Variants in KIAA1217 observed in about 807,000 individuals in gnomAD.
KIAA1217 encodes sickle tail protein homolog.
KIAA1217 carries 88 observed loss-of-function variants against 163.9 expected under a neutral mutation model. The observed-to-expected ratio is 0.54, with a 90% CI of 0.45 to 0.64. The LOEUF (loss-of-function observed/expected upper bound fraction) is 0.64. KIAA1217 is among the 30% of genes least tolerant of loss of function. The pLI, the probability that KIAA1217 is intolerant of heterozygous loss-of-function variation, is 0.00. For synonymous variants in KIAA1217, 903 were observed against 923.1 expected, an observed-to-expected ratio of 0.98 and a Z score of 0.39; for missense variants, 2,372 against 2,475.0, an observed-to-expected ratio of 0.96 and a Z score of 0.88.
chr10:23,726,937 A>G (rs1404370750), intron 1 of KIAA1217, among the ~76,000 whole-genome samples: 1 of 147,068 alleles, frequency 6.8e-6, no homozygotes, highest in Non-Finnish European at 1.5e-5. Flanking sequence ...TAATTTTAGG[A>G]TATTTAATTC....
At chr10:24,279,517 G>A (rs1448892581) in intron 2 of KIAA1217, among the ~76,000 whole-genome samples, 1 of 152,102 alleles carries the variant, frequency 6.6e-6, no homozygotes, top group Non-Finnish European at 1.5e-5. Context: ...TGAAGTGTTT[G>A]TGAAAGGGAC....
At chr10:24,049,403 T>A (rs544678773) in intron 2 of KIAA1217, among the ~76,000 whole-genome samples, 1 of 152,236 alleles carries the variant, frequency 6.6e-6, no homozygotes, top group East Asian at 1.9e-4. Context: ...TAACTCTATT[T>A]ATTTATTTAT....
chr10:23,937,517 A>C (rs1202757355), intron 1 of KIAA1217, among the ~76,000 whole-genome samples: 2 of 152,182 alleles, frequency 1.3e-5, no homozygotes, highest in Admixed American at 6.5e-5. Flanking sequence ...TCTGTTCACC[A>C]GAATCTGCAC....
chr10:23,981,249 G>A (rs1163629375), intron 1 of KIAA1217, among the ~76,000 whole-genome samples: 2 of 152,146 alleles, frequency 1.3e-5, no homozygotes, highest in Admixed American at 1.3e-4. Context: ...GTATTCATTT[G>A]AAATTATAAT....
At chr10:24,117,856 C>T (rs898970410) in intron 2 of KIAA1217, among the ~76,000 whole-genome samples, 9 of 151,918 alleles carry the variant, frequency 5.9e-5, no homozygotes, top group East Asian at 1.9e-4. Context: ...TACTTTCATA[C>T]GGAAAAGGGG....
At chr10:24,426,429 C>T (rs1289188230) in intron 3 of KIAA1217, among the ~76,000 whole-genome samples, 2 of 152,054 alleles carry the variant, frequency 1.3e-5, no homozygotes, top group Non-Finnish European at 2.9e-5. Flanking sequence ...CGAGAACAGC[C>T]TGGCCAACAT....
chr10:24,462,321 C>A (rs181849263), intron 5 of KIAA1217, among the ~76,000 whole-genome samples: 2 of 152,220 alleles, frequency 1.3e-5, no homozygotes, highest in East Asian at 3.9e-4. Context: ...GATTCTTTTC[C>A]TTTGCTGTGA....
chr10:24,146,986 G>A (rs2064346248), intron 2 of KIAA1217, among the ~76,000 whole-genome samples: 1 of 131,362 alleles, frequency 7.6e-6, no homozygotes, highest in Admixed American at 8.1e-5. Context: ...AATCACTTAA[G>A]GAACATGTTT....
chr10:23,855,831 T>A lies in KIAA1217; in HGVS notation c.-320-151394T>A, dbSNP rs570686419. Among the ~76,000 whole-genome samples the A allele has an allele frequency of 6.4e-3, 982 of 152,330 alleles. 32 individuals are homozygous for A. The highest frequency in any genetic ancestry group is 0.045 in the Admixed American group (681 of 15,296). Reference sequence around the variant, plus strand: ...GCTCCTGAGGCTTCTGCATTCTTCATGTAGTTCTCAAGCCTTGGCTTTCGG... The same window carrying A: ...GCTCCTGAGGCTTCTGCATTCTTCAAGTAGTTCTCAAGCCTTGGCTTTCGG... On this transcript the variant is annotated intron_variant, in intron 1 of 18. Coordinates refer to the KIAA1217 transcript ENST00000376462.
intron 5 of KIAA1217, among the ~76,000 whole-genome samples, chr10:24,438,878 T>C (rs1448904980): frequency 6.6e-6 from 1 of 152,212 alleles, no homozygotes; most frequent in Non-Finnish European, 1.5e-5. Context: ...ATGGAAAATC[T>C]ATTCATACTC....
chr10:23,701,070 T>G (rs1179980455), intron 1 of KIAA1217, among the ~76,000 whole-genome samples: 3 of 152,212 alleles, frequency 2.0e-5, no homozygotes, highest in Admixed American at 2.0e-4. Context: ...AATGAAACCA[T>G]GCACATTGAG....
At chr10:24,207,303 C>CAT (rs2067616920), upstream of KIAA1217, among the ~76,000 whole-genome samples, 1 of 151,804 alleles carries the variant, frequency 6.6e-6, no homozygotes, top group Non-Finnish European at 1.5e-5. Flanking sequence ...CACACACACA[C>CAT]ACACACACAC....
intron 2 of KIAA1217, among the ~76,000 whole-genome samples, chr10:24,036,042 C>T (rs1848384859): frequency 6.6e-6 from 1 of 152,218 alleles, no homozygotes; most frequent in South Asian, 2.1e-4. Context: ...AGGTGAAGGC[C>T]AGCGGAGCAC....
At chr10:24,168,951 C>T (rs957249008) in intron 2 of KIAA1217, among the ~76,000 whole-genome samples, 1 of 152,202 alleles carries the variant, frequency 6.6e-6, no homozygotes, top group African/African-American at 2.4e-5. Context: ...TTGCCAAGCA[C>T]ACGATCTAGG....
At chr10:23,906,271 C>A (rs922738575) in intron 1 of KIAA1217, among the ~76,000 whole-genome samples, 2 of 151,946 alleles carry the variant, frequency 1.3e-5, no homozygotes, top group Admixed American at 6.6e-5. Context: ...CACACACACA[C>A]ACAAAAATAC....
At chr10:24,253,961 G>T (rs1003777903) in intron 2 of KIAA1217, among the ~76,000 whole-genome samples, 8 of 151,840 alleles carry the variant, frequency 5.3e-5, no homozygotes, top group Admixed American at 3.9e-4. Context: ...GTTTCCTCTT[G>T]ATCACAAAAA....
chr10:24,364,419 T>C (rs1033619197), intron 2 of KIAA1217, among the ~76,000 whole-genome samples: 10 of 152,234 alleles, frequency 6.6e-5, no homozygotes, highest in Non-Finnish European at 5.9e-5. Context: ...GCTCTTATTG[T>C]TGGGCTCAAA....
chr10:24,415,639 C>T (rs1298874583), intron 3 of KIAA1217, among the ~76,000 whole-genome samples: 2 of 152,086 alleles, frequency 1.3e-5, no homozygotes, highest in Non-Finnish European at 2.9e-5. Flanking sequence ...CGGTCTCAAC[C>T]CCCTTCCGCC....
chr10:24,108,531 C>T (rs186102792), intron 2 of KIAA1217, among the ~76,000 whole-genome samples: 1 of 152,092 alleles, frequency 6.6e-6, no homozygotes, highest in East Asian at 1.9e-4. Flanking sequence ...AGAAAAGAAA[C>T]CTTGAAGTCA....
Sources: allele counts gnomAD v4.1 joint callset (sites outside exome capture counted in the v4.1 genomes callset), GRCh38; gene constraint gnomAD v4.1.1; transcripts MANE v1.5; gene names NCBI Gene and HGNC (gene_info 2026-07-23, HGNC 2026-07-21).